Variants in ABCC4 observed in about 807,000 individuals in gnomAD.
ABCC4 encodes ATP-binding cassette sub-family C member 4.
ABCC4 carries 102 observed loss-of-function variants against 168.5 expected under a neutral mutation model. The observed-to-expected ratio is 0.61, with a 90% CI of 0.52 to 0.71. ABCC4 has a LOEUF of 0.71. Ranked by LOEUF, ABCC4 falls within the 30% of genes least tolerant of loss-of-function variation. The pLI, the probability that ABCC4 is intolerant of heterozygous loss-of-function variation, is 0.00. For missense variants in ABCC4, 1,402 were observed against 1,605.8 expected (o/e 0.87, Z 2.17); for synonymous variants, 617 against 590.7 (o/e 1.04, Z -0.65).
At chr13:95,149,488 TC>T (rs1435126773) in intron 19 of ABCC4, among the ~76,000 whole-genome samples, 3 of 151,666 alleles carry the variant, frequency 2.0e-5, no homozygotes, top group Non-Finnish European at 4.4e-5. Flanking sequence ...CATTTATAGT[TC>T]CCCCAAAGGA....
chr13:95,218,438 T>G (rs537542452), intron 4 of ABCC4, among the ~76,000 whole-genome samples: 1 of 152,208 alleles, frequency 6.6e-6, no homozygotes, highest in African/African-American at 2.4e-5. Context: ...AAAATGTCCA[T>G]CCAAAATCAA....
chr13:95,119,576 ACT>A (rs571152437), intron 19 of ABCC4, among the ~76,000 whole-genome samples: 130 of 152,228 alleles, frequency 8.5e-4, no homozygotes, highest in African/African-American at 3.0e-3. Context: ...TTCATAAATG[ACT>A]CTATTTTACA....
intron 19 of ABCC4, among the ~76,000 whole-genome samples, chr13:95,138,648 A>C (rs1443110751): frequency 6.6e-6 from 1 of 152,212 alleles, no homozygotes; most frequent in South Asian, 2.1e-4. Flanking sequence ...AAATCGTGAG[A>C]TCCTGATTCT....
chr13:95,188,522 T>C lies in ABCC4; in HGVS notation c.1284A>G (p.Leu428=). ...FWDKASETPT[L]QGLSFTVRPG... ...GTCTGACAGTAAAGGAAAGGCCTTGTAGAGTTGGGGTCTCTGATGCCTACA... is the reference window on the plus strand; with the variant it reads ...GTCTGACAGTAAAGGAAAGGCCTTGCAGAGTTGGGGTCTCTGATGCCTACA... The change falls in exon 10 of 31, where the codon CTA becomes CTG. Residue 428 remains leucine (L), a synonymous_variant. Coordinates refer to ENST00000645237, the MANE Select transcript of ABCC4 (RefSeq NM_005845.5). The C allele has an allele frequency of 1.2e-6, 2 of 1,613,384 alleles. No individual in the cohort carries two copies. The highest frequency in any genetic ancestry group is 1.7e-6 in the Non-Finnish European group (2 of 1,179,382).
At chr13:95,294,043 C>G (rs983299612) in intron 1 of ABCC4, among the ~76,000 whole-genome samples, 1 of 152,020 alleles carries the variant, frequency 6.6e-6, no homozygotes, top group Non-Finnish European at 1.5e-5. Context: ...GCCACTGTAT[C>G]GTGCAAATAA....
intron 1 of ABCC4, among the ~76,000 whole-genome samples, chr13:95,297,714 T>A (rs986048706): frequency 1.3e-5 from 2 of 152,302 alleles, no homozygotes; most frequent in Admixed American, 6.5e-5. Context: ...TTCATGCCTG[T>A]AATCCCAGCA....
chr13:95,099,131 A>G lies in ABCC4; in HGVS notation c.2536-15841T>C, dbSNP rs115858786. Among the ~76,000 whole-genome samples, 746 of 152,354 alleles carry G rather than the reference A, an allele frequency of 4.9e-3. 8 individuals carry two copies. The highest frequency in any genetic ancestry group is 0.017 in the African/African-American group (718 of 41,570). Reference sequence around the variant, plus strand: ...CAATTCAAATACCCATCAATCAGAGAGTAGACAAATAAATGTTGATGTCAT... The same window carrying G: ...CAATTCAAATACCCATCAATCAGAGGGTAGACAAATAAATGTTGATGTCAT... On this transcript the variant is annotated intron_variant, in intron 20 of 30. Transcript: ENST00000645237.
rs2038149795 is a variant in ABCC4 at position 95,188,663 on chromosome 13, C to T, written c.1264-121G>A. The T allele has an allele frequency of 4.6e-5, 36 of 778,770 alleles. No homozygotes were observed. In the South Asian group the frequency reaches 6.7e-4, roughly 15 times the overall value. The allele number at this position is 778,770 out of a possible 1,614,324, so 48.2% of individuals were successfully genotyped here. A position where few individuals can be genotyped will look rare whatever the true frequency, so the allele number is the denominator to read the frequency against. On this transcript the variant is annotated intron_variant, in intron 9 of 30. Coordinates refer to ENST00000645237, the MANE Select transcript of ABCC4 (RefSeq NM_005845.5). The stretch of plus-strand genomic sequence containing the variant: ...GAACATAACCCAAATCTTTCTCCTT[C>T]CTATTTTAAGATATTGTATCCTAGA...
chr13:95,252,630 G>A (rs1368903357), intron 1 of ABCC4, among the ~76,000 whole-genome samples: 2 of 152,068 alleles, frequency 1.3e-5, no homozygotes, highest in Admixed American at 6.5e-5. Context: ...AGCTGAGATC[G>A]CACCTTTGCA....
intron 19 of ABCC4, among the ~76,000 whole-genome samples, chr13:95,159,135 C>G (rs1324564693): frequency 4.4e-5 from 2 of 45,036 alleles, no homozygotes; most frequent in Non-Finnish European, 1.2e-4. Flanking sequence ...ATATATATAA[C>G]TATTGAAGTG....
intron 19 of ABCC4, among the ~76,000 whole-genome samples, chr13:95,152,341 T>C (rs1456312710): frequency 6.6e-6 from 1 of 152,222 alleles, no homozygotes; most frequent in Non-Finnish European, 1.5e-5. Flanking sequence ...CATTGTTCTT[T>C]ATGGGTGTTG....
intron 6 of ABCC4, among the ~76,000 whole-genome samples, chr13:95,208,217 C>T (rs1003574586): frequency 1.3e-5 from 2 of 151,546 alleles, no homozygotes; most frequent in Non-Finnish European, 2.9e-5. Context: ...GCAGGAAAGG[C>T]AGAAAGGCAC....
At chr13:95,177,564 TG>T in intron 13 of ABCC4, 142 bp downstream of exon 13, 1 of 600,162 alleles carries the variant, frequency 1.7e-6, no homozygotes, top group Non-Finnish European at 2.8e-6. Context: ...TTCTCTAAAA[TG>T]GATCTTCAGG....
At chr13:95,108,641 C>CTTTTTTTT (rs11396828) in intron 20 of ABCC4, among the ~76,000 whole-genome samples, 2 of 145,218 alleles carry the variant, frequency 1.4e-5, no homozygotes, top group African/African-American at 2.5e-5. Flanking sequence ...AATCTATTTT[C>CTTTTTTTT]TTTTTTTTTT....
At chr13:95,226,493 C>T (rs1453259885) in intron 4 of ABCC4, among the ~76,000 whole-genome samples, 2 of 152,158 alleles carry the variant, frequency 1.3e-5, no homozygotes, top group Non-Finnish European at 2.9e-5. Flanking sequence ...TTTTCTCCAA[C>T]TTAATTCAAT....
rs181986825 is a variant in ABCC4 at position 95,126,101 on chromosome 13, C to T, written c.2456-10100G>A. On this transcript the variant is annotated intron_variant, in intron 19 of 30. Transcript: ENST00000645237. Reference sequence around the variant, plus strand: ...GAGCTCTCATTAAGAACCTCTGATTCTAAGAGAGTAAGAAATCACCAATCT... The same window carrying T: ...GAGCTCTCATTAAGAACCTCTGATTTTAAGAGAGTAAGAAATCACCAATCT... Among the ~76,000 whole-genome samples, 1,026 of 152,308 alleles carry T rather than the reference C, an allele frequency of 6.7e-3. 13 individuals carry two copies. The highest frequency in any genetic ancestry group is 0.02 in the Middle Eastern group (6 of 294).
At chr13:95,160,794 C>G (rs1594206829) in intron 19 of ABCC4, among the ~76,000 whole-genome samples, 2 of 152,164 alleles carry the variant, frequency 1.3e-5, no homozygotes, top group Non-Finnish European at 2.9e-5. Context: ...TTACAAAGAT[C>G]CCTCTGAAAA....
At chr13:95,267,598 G>A (rs201103562) in intron 1 of ABCC4, among the ~76,000 whole-genome samples, 1 of 152,136 alleles carries the variant, frequency 6.6e-6, no homozygotes, top group East Asian at 1.9e-4. Flanking sequence ...GAAATGAAGA[G>A]TAAGGAGTGG....
intron 2 of ABCC4, 21 bp from the exon 3 acceptor site, chr13:95,247,116 C>G (rs201518360): frequency 4.0e-5 from 65 of 1,605,708 alleles, no homozygotes; most frequent in Non-Finnish European, 5.3e-5. Flanking sequence ...GAAAAAGCTT[C>G]GTAAATAAGA....
Sources: allele counts gnomAD v4.1 joint callset (sites outside exome capture counted in the v4.1 genomes callset), GRCh38; gene constraint gnomAD v4.1.1; transcripts MANE v1.5; gene names NCBI Gene and HGNC (gene_info 2026-07-23, HGNC 2026-07-21).